The following ZSCAN20 variants were observed in gnomAD, a reference collection of about 807,000 sequenced individuals.
The protein encoded by ZSCAN20 is zinc finger and SCAN domain containing 20.
A neutral mutation model predicts 97.1 loss-of-function variants in ZSCAN20; 39 were observed. That is an observed-to-expected ratio of 0.40 (90% CI 0.31 to 0.52). ZSCAN20 has a LOEUF of 0.52. Ranked by LOEUF, ZSCAN20 falls within the 20% of genes least tolerant of loss-of-function variation. ZSCAN20 has a pLI of 0.49. For missense variants in ZSCAN20, 1,115 were observed against 1,290.4 expected (o/e 0.86, Z 2.08); for synonymous variants, 456 against 467.3 (o/e 0.98, Z 0.31).
Position 33,494,927 on chromosome 1 carries a change from T to G in ZSCAN20, c.2583T>G (p.Asn861Lys), listed in dbSNP as rs1652795759. ...CTCAAAGTATCAGTAAGGACTTGAA[T>G]TCTCCTGGACCACACAGCACAAACT... ...EQPQSISKDLNSPGPHSTNSG... is the reference protein window; with the variant it reads ...EQPQSISKDLKSPGPHSTNSG... The change falls in exon 8 of 8, where the codon AAT becomes AAG. Residue 861 changes from asparagine (N) to lysine (K), a missense_variant. Physicochemically the swap from Asn to Lys is moderately conservative, Grantham distance 94 (BLOSUM62 0). This residue lies in a region of ZSCAN20 where 554 missense variants were observed against 584.9 expected (regional missense o/e 0.95). Coordinates refer to ENST00000684572, the MANE Select transcript of ZSCAN20 (RefSeq NM_001377376.1). 1.9e-6 allele frequency: 3 copies of G among 1,614,186 alleles called. No homozygotes were observed. The Admixed American group carries it at 5.0e-5, about 27-fold the overall frequency.
intron 1 of ZSCAN20, 126 bp from the exon 2 acceptor site, chr1:33,479,053 A>G (rs1033925057): frequency 8.5e-5 from 35 of 413,700 alleles, no homozygotes; most frequent in African/African-American, 7.1e-4. Context: ...CTTCCTGCCT[A>G]TGGGAAAGGG....
chr1:33,497,637 A>G lies in ZSCAN20; in HGVS notation c.*2161A>G, dbSNP rs907471753. 1.3e-5 allele frequency among the ~76,000 whole-genome samples: 2 copies of G among 152,152 alleles called. No homozygotes were observed. Among genetic ancestry groups the G allele is most frequent in the Non-Finnish European group, 2.9e-5 (2 of 68,040 alleles). ...CTGAATGGAACTTGGACATGCTGCAATTAGGATGGCCTTTTGGGACACTGT... is the reference window on the plus strand; with the variant it reads ...CTGAATGGAACTTGGACATGCTGCAGTTAGGATGGCCTTTTGGGACACTGT... On this transcript the variant is annotated 3_prime_UTR_variant, in exon 8 of 8. Transcript: ENST00000684572.
In ZSCAN20 at chr1:33,499,503, C is replaced by A. The variant is rs909060593; in HGVS notation, c.*4027C>A. 2.0e-5 allele frequency among the ~76,000 whole-genome samples: 3 copies of A among 152,116 alleles called. No homozygotes were observed. Among genetic ancestry groups the A allele is most frequent in the African/African-American group, 7.2e-5 (3 of 41,412 alleles). ...GGGCATCTCAAAGCCCCGGTGTCTACCATCACCCATCATGGGGCTCTTGGC... is the reference window on the plus strand; with the variant it reads ...GGGCATCTCAAAGCCCCGGTGTCTAACATCACCCATCATGGGGCTCTTGGC... On this transcript the variant is annotated 3_prime_UTR_variant, in exon 8 of 8. Transcript: ENST00000684572.
Position 33,494,971 on chromosome 1 carries a change from A to C in ZSCAN20, c.2627A>C (p.Glu876Ala). The part of the protein sequence containing the change: ...HSTNSGEKLY[E>A]CSECGRSFSK... ...ACAAACTCAGGGGAGAAACTTTATG[A>C]GTGTTCTGAATGTGGAAGAAGCTTC... Residue 876 changes from glutamate (E) to alanine (A), a missense_variant, in exon 8 of 8, where the codon GAG (glutamate) becomes GCG (alanine). Coordinates refer to ENST00000684572, the MANE Select transcript of ZSCAN20 (RefSeq NM_001377376.1). The C allele has an allele frequency of 6.2e-7, 1 of 1,614,130 alleles. No homozygotes were observed. The highest frequency in any genetic ancestry group is 1.1e-5 in the South Asian group (1 of 91,078).
At position 33,488,579 on chromosome 1, in the gene ZSCAN20, G is replaced by A. The variant is rs748513077; in HGVS notation, c.532G>A (p.Val178Met). The A allele has an allele frequency of 1.2e-6, 2 of 1,613,282 alleles. No individual in the cohort carries two copies. The highest frequency in any genetic ancestry group is 4.5e-5 in the East Asian group (2 of 44,872). Residue 178 changes from valine (V) to methionine (M), a missense_variant, in exon 3 of 8, where the codon GTG (valine) becomes ATG (methionine). This residue lies in a region of ZSCAN20 where 508 missense variants were observed against 611.2 expected (regional missense o/e 0.83). Coordinates refer to ENST00000684572, the MANE Select transcript of ZSCAN20 (RefSeq NM_001377376.1). ...TGAGGGACAGTCCCAGAAGAAGGGG[G>A]TGAAGAATACATGCCCTGACCTTCC... ...WPEGQSQKKG[V>M]KNTCPDLPNH...
At chr1:33,490,977 G>A (rs766849438) in intron 5 of ZSCAN20, 48 bp from the exon 6 acceptor site, 1 of 1,507,466 alleles carries the variant, frequency 6.6e-7, no homozygotes, top group Non-Finnish European at 8.9e-7. Context: ...GGACAAACAT[G>A]CCGCTCAACA....
intron 4 of ZSCAN20, 157 bp from the exon 5 acceptor site, chr1:33,489,355 CCAAACA>C: frequency 1.0e-6 from 1 of 988,920 alleles, no homozygotes; most frequent in Non-Finnish European, 1.5e-6. Context: ...CCAAACATCC[CCAAACA>C]CATGTATGTA....
intron 1 of ZSCAN20, among the ~76,000 whole-genome samples, chr1:33,474,865 G>T (rs1440273805): frequency 6.6e-6 from 1 of 152,166 alleles, no homozygotes; most frequent in East Asian, 1.9e-4. Context: ...ACATTGCTAG[G>T]TCCTTATACC....
intron 1 of ZSCAN20, among the ~76,000 whole-genome samples, chr1:33,474,230 C>T (rs1273582865): frequency 1.3e-5 from 2 of 152,220 alleles, no homozygotes; most frequent in Non-Finnish European, 2.9e-5. Context: ...ATTGAAGTTT[C>T]TGCTTTAAAT....
chr1:33,489,675 C>T (rs574961919), intron 5 of ZSCAN20, 73 bp downstream of exon 5: 117 of 1,413,596 alleles, frequency 8.3e-5, no homozygotes, highest in African/African-American at 3.7e-4. Context: ...AGGGTTTTGC[C>T]GCTCCTTTAA....
At chr1:33,475,529 A>G (rs186711968) in intron 1 of ZSCAN20, among the ~76,000 whole-genome samples, 1 of 152,334 alleles carries the variant, frequency 6.6e-6, no homozygotes, top group Non-Finnish European at 1.5e-5. Flanking sequence ...GTGGAAAGAG[A>G]GGCACGAGGG....
intron 6 of ZSCAN20, among the ~76,000 whole-genome samples, chr1:33,492,914 C>T (rs1277169541): frequency 6.6e-6 from 1 of 152,062 alleles, no homozygotes; most frequent in Non-Finnish European, 1.5e-5. Context: ...CATGGGATCA[C>T]CTGATATAAT....
intron 1 of ZSCAN20, among the ~76,000 whole-genome samples, chr1:33,476,642 T>G (rs570578921): frequency 6.6e-6 from 1 of 152,356 alleles, no homozygotes; most frequent in Admixed American, 6.5e-5. Flanking sequence ...ACTCTATAAA[T>G]GATTGATGAA....
chr1:33,479,048 T>G (rs1652036989), intron 1 of ZSCAN20, 131 bp from the exon 2 acceptor site: 1 of 412,540 alleles, frequency 2.4e-6, no homozygotes, highest in African/African-American at 2.0e-5. Context: ...CCTTACTTCC[T>G]GCCTATGGGA....
At chr1:33,489,028 A>T in intron 3 of ZSCAN20, 87 bp from the exon 4 acceptor site, 1 of 1,122,530 alleles carries the variant, frequency 8.9e-7, no homozygotes, top group Non-Finnish European at 1.3e-6. Flanking sequence ...GCTTGATCCA[A>T]GTGTTACTTT....
chr1:33,493,068 C>T lies in ZSCAN20; in HGVS notation c.1445-119C>T. 2 of 1,059,286 alleles carry T rather than the reference C, an allele frequency of 1.9e-6. No individual in the cohort carries two copies. Among genetic ancestry groups the T allele is most frequent in the South Asian group, 3.2e-5 (2 of 61,602 alleles). The allele number at this position is 1,059,286 out of a possible 1,614,324, so 65.6% of individuals were successfully genotyped here. On this transcript the variant is annotated intron_variant, in intron 6 of 7. Transcript: ENST00000684572. The surrounding 1 kb of genome is among the most constrained non-coding windows in gnomAD (Gnocchi z 4.3). ...AAGCAAAGGGATATTCTCCAGGTAC[C>T]TGGATAGTTTCTGACATGCCTATGT...
chr1:33,490,731 A>C (rs957875199), intron 5 of ZSCAN20, among the ~76,000 whole-genome samples: 1 of 151,722 alleles, frequency 6.6e-6, no homozygotes, highest in African/African-American at 2.4e-5. Flanking sequence ...AATTGGGCCA[A>C]TTTAGGCCAT....
rs754996093 is a variant in ZSCAN20, at chr1:33,494,925, A to G, written c.2581A>G (p.Asn861Asp). ...EQPQSISKDL[N>D]SPGPHSTNSG... Reference sequence around the variant, plus strand: ...ACCTCAAAGTATCAGTAAGGACTTGAATTCTCCTGGACCACACAGCACAAA... The same window carrying G: ...ACCTCAAAGTATCAGTAAGGACTTGGATTCTCCTGGACCACACAGCACAAA... The change falls in exon 8 of 8, where the codon AAT becomes GAT. Residue 861 changes from asparagine (N) to aspartate (D), a missense_variant. By Grantham distance (23) the Asn-to-Asp change is conservative. Transcript: ENST00000684572. The G allele has an allele frequency of 6.2e-7, 1 of 1,614,164 alleles. No homozygotes were observed. Among genetic ancestry groups the G allele is most frequent in the Non-Finnish European group, 8.5e-7 (1 of 1,180,026 alleles).
intron 5 of ZSCAN20, among the ~76,000 whole-genome samples, chr1:33,490,684 C>CACACA (rs57345949): frequency 0.17 from 21,141 of 127,524 alleles, 1,722 homozygotes; most frequent in Non-Finnish European, 0.21. Context: ...CACACACACA[C>CACACA]CACACACCCT....
Sources: allele counts gnomAD v4.1 joint callset (sites outside exome capture counted in the v4.1 genomes callset), GRCh38; gene constraint gnomAD v4.1.1; regional missense constraint gnomAD v4.1.1; non-coding constraint Gnocchi (gnomAD v3.1); transcripts MANE v1.5; gene names NCBI Gene and HGNC (gene_info 2026-07-23, HGNC 2026-07-21).